The following FAAH2 variants were observed in gnomAD, a reference collection of about 807,000 sequenced individuals.
FAAH2 encodes the protein fatty acid amide hydrolase 2, also known as fatty-acid amide hydrolase 2.
FAAH2 carries 60 observed loss-of-function variants against 36.9 expected under a neutral mutation model. The observed-to-expected ratio is 1.63, with a 90% confidence interval of 1.32 to 2.02. The LOEUF (loss-of-function observed/expected upper bound fraction) is 2.02. Among genes scored for constraint, FAAH2 ranks in the 30% most tolerant of loss-of-function variants. FAAH2 has a pLI of 0.00. For missense variants in FAAH2, 689 were observed against 397.5 expected (o/e 1.73, Z -6.23); for synonymous variants, 214 against 143.8 (o/e 1.49, Z -3.49).
intron 10 of FAAH2, among the ~76,000 whole-genome samples, chrX:57,479,387 G>C (rs2057334979): frequency 9.0e-6 from 1 of 111,421 alleles, no homozygotes; most frequent in Admixed American, 9.6e-5. Flanking sequence ...AGGAGATTTT[G>C]GGCTGAGACA....
chrX:57,200,999 T>C, the FAAH2 span, among the ~76,000 whole-genome samples: 1 of 110,688 alleles, frequency 9.0e-6, no homozygotes, highest in Admixed American at 9.6e-5. Flanking sequence ...AATTTTTAAT[T>C]CCCCCTTTAT....
intron 7 of FAAH2, chrX:57,395,534 T>C (rs1265247403): frequency 4.2e-5 from 13 of 312,434 alleles, no homozygotes; most frequent in Non-Finnish European, 7.4e-5. Context: ...AGATGGCTTT[T>C]ATTAATTTGA....
chrX:57,252,921 AG>A, the FAAH2 span, among the ~76,000 whole-genome samples: 1 of 112,494 alleles, frequency 8.9e-6, no homozygotes, highest in Non-Finnish European at 1.9e-5. Context: ...GAGTTTGACA[AG>A]TTGACAGAAG....
intron 10 of FAAH2, among the ~76,000 whole-genome samples, chrX:57,476,689 T>A (rs1444815067): frequency 9.0e-6 from 1 of 111,600 alleles, no homozygotes; most frequent in African/African-American, 3.3e-5. Flanking sequence ...ATCAGGAAGA[T>A]GCTGGCCTCA....
intron 8 of FAAH2, among the ~76,000 whole-genome samples, chrX:57,437,970 T>C (rs1463588941): frequency 2.9e-5 from 3 of 103,514 alleles, no homozygotes; most frequent in East Asian, 6.1e-4. Context: ...TACATACGTA[T>C]ATGTATACAC....
chrX:57,138,648 A>G, the FAAH2 span, among the ~76,000 whole-genome samples: 1 of 111,312 alleles, frequency 9.0e-6, no homozygotes, highest in South Asian at 3.7e-4. Flanking sequence ...GCTGTTTTTC[A>G]TAATGGCTAT....
intron 3 of FAAH2, among the ~76,000 whole-genome samples, chrX:57,321,243 A>T (rs947831650): frequency 1.8e-5 from 2 of 110,493 alleles, no homozygotes; most frequent in African/African-American, 6.6e-5. Flanking sequence ...AAAACACTGC[A>T]TGTTCTCACT....
At chrX:57,415,550 A>C (rs2147049478) in intron 7 of FAAH2, among the ~76,000 whole-genome samples, 1 of 111,959 alleles carries the variant, frequency 8.9e-6, no homozygotes, top group Admixed American at 9.5e-5. Context: ...TGAGCTTCTT[A>C]ATCCTGACTT....
At chrX:57,253,514 G>A in the FAAH2 span, among the ~76,000 whole-genome samples, 4 of 111,498 alleles carry the variant, frequency 3.6e-5, no homozygotes, top group Admixed American at 9.5e-5. Flanking sequence ...AATGGCAGCC[G>A]GAGAGAAAGG....
chrX:57,231,409 C>A, the FAAH2 span, among the ~76,000 whole-genome samples: 9 of 111,320 alleles, frequency 8.1e-5, no homozygotes. Flanking sequence ...CTGGACTCAA[C>A]ACTAGATTCC....
intron 5 of FAAH2, among the ~76,000 whole-genome samples, chrX:57,365,091 G>C (rs1283069266): frequency 9.0e-6 from 1 of 111,170 alleles, no homozygotes; most frequent in African/African-American, 3.3e-5. Context: ...AGAATACCTT[G>C]GTTTGTTTTT....
the FAAH2 span, among the ~76,000 whole-genome samples, chrX:57,165,448 C>T: frequency 9.0e-6 from 1 of 110,624 alleles, no homozygotes; most frequent in East Asian, 2.9e-4. Flanking sequence ...GAACAAAAAA[C>T]CAAACACCGC....
chrX:57,400,893 C>T (rs1013510111), intron 7 of FAAH2, among the ~76,000 whole-genome samples: 16 of 111,727 alleles, frequency 1.4e-4, no homozygotes, highest in African/African-American at 3.9e-4. Context: ...GAGGCTGAGG[C>T]GGGCAGATCA....
At chrX:57,208,391 C>A in the FAAH2 span, among the ~76,000 whole-genome samples, 1 of 112,193 alleles carries the variant, frequency 8.9e-6, no homozygotes, top group Non-Finnish European at 1.9e-5. Context: ...ACACTTGTCC[C>A]ATTGTTACCG....
intron 8 of FAAH2, among the ~76,000 whole-genome samples, chrX:57,440,366 G>T (rs1209193739): frequency 9.0e-6 from 1 of 111,077 alleles, no homozygotes; most frequent in East Asian, 2.8e-4. Flanking sequence ...TGAAACAATT[G>T]TAAATGGGAA....
At chrX:57,311,988 G>A (rs4587468) in intron 3 of FAAH2, among the ~76,000 whole-genome samples, 60,443 of 111,089 alleles carry the variant, frequency 0.54, 14,378 homozygotes, top group Non-Finnish European at 0.75. Flanking sequence ...TGGGTTTCTG[G>A]GCAAGGTGAG....
chrX:57,252,599 C>T, the FAAH2 span, among the ~76,000 whole-genome samples: 1 of 111,984 alleles, frequency 8.9e-6, no homozygotes, highest in East Asian at 2.8e-4. Flanking sequence ...TGTTCTGGAG[C>T]CTCTGCTGGT....
the FAAH2 span, among the ~76,000 whole-genome samples, chrX:57,128,753 T>C: frequency 8.9e-6 from 1 of 111,934 alleles, no homozygotes; most frequent in Non-Finnish European, 1.9e-5. Context: ...ATTTATAGAG[T>C]GTCTCCTATG....
intron 3 of FAAH2, among the ~76,000 whole-genome samples, chrX:57,311,135 T>C (rs2052681260): frequency 8.9e-6 from 1 of 111,744 alleles, no homozygotes; most frequent in Non-Finnish European, 1.9e-5. Context: ...CAAAAGTAAA[T>C]GAAAATCCCA....
Sources: allele counts gnomAD v4.1 joint callset (sites outside exome capture counted in the v4.1 genomes callset), GRCh38; gene constraint gnomAD v4.1.1; transcripts MANE v1.5; gene names NCBI Gene and HGNC (gene_info 2026-07-23, HGNC 2026-07-21).